Variants in GCSAML observed in about 807,000 individuals in gnomAD.
GCSAML encodes the protein germinal center associated signaling and motility like, also known as germinal center-associated signaling and motility-like protein.
In GCSAML, 9 loss-of-function variants were observed where a neutral mutation model predicts 13.0. That is an observed-to-expected ratio of 0.69 (90% CI 0.42 to 1.21). The LOEUF is 1.21. Among genes scored for constraint, GCSAML ranks in the 50% most tolerant of loss-of-function variants. The pLI is 0.00. For missense variants in GCSAML, 143 were observed against 153.4 expected, an observed-to-expected ratio of 0.93 and a Z score of 0.36; for synonymous variants, 37 against 52.9, an observed-to-expected ratio of 0.70 and a Z score of 1.31.
chr1:247,554,963 TA>T (rs1326766942), intron 1 of GCSAML, among the ~76,000 whole-genome samples: 2 of 152,186 alleles, frequency 1.3e-5, no homozygotes, highest in African/African-American at 4.8e-5. Context: ...TTGAAAACAA[TA>T]GAGTATTAGT....
upstream of GCSAML, among the ~76,000 whole-genome samples, chr1:247,544,951 A>G (rs1363924074): frequency 1.3e-5 from 2 of 152,194 alleles, no homozygotes; most frequent in Non-Finnish European, 2.9e-5. Flanking sequence ...CCTTTTACCA[A>G]ATTTGAGGTA....
intron 1 of GCSAML, among the ~76,000 whole-genome samples, chr1:247,517,777 C>T (rs1288514077): frequency 6.6e-6 from 1 of 152,098 alleles, no homozygotes; most frequent in Non-Finnish European, 1.5e-5. Flanking sequence ...ATGGATCCTC[C>T]GCACTGAGAG....
chr1:247,551,542 G>A (rs967296217), intron 1 of GCSAML, among the ~76,000 whole-genome samples: 1 of 152,170 alleles, frequency 6.6e-6, no homozygotes, highest in African/African-American at 2.4e-5. Context: ...GAGTATGGAG[G>A]AATGACACAG....
chr1:247,509,486 A>C (rs1665939556), intron 1 of GCSAML, among the ~76,000 whole-genome samples: 2 of 151,780 alleles, frequency 1.3e-5, no homozygotes, highest in South Asian at 4.1e-4. Context: ...TCCTATATGA[A>C]TAGGCTTTCT....
At chr1:247,552,936 A>G (rs1223884622) in intron 1 of GCSAML, among the ~76,000 whole-genome samples, 1 of 152,004 alleles carries the variant, frequency 6.6e-6, no homozygotes, top group Non-Finnish European at 1.5e-5. Context: ...TTGTATTTTT[A>G]GTGGAGACGG....
intron 2 of GCSAML, among the ~76,000 whole-genome samples, chr1:247,557,050 C>T (rs546583398): frequency 5.9e-5 from 9 of 152,280 alleles, no homozygotes; most frequent in Non-Finnish European, 1.3e-4. Flanking sequence ...TGGTCTTTTA[C>T]TGCACAATTA....
At chr1:247,543,678 A>G (rs1455779210) in intron 2 of GCSAML, among the ~76,000 whole-genome samples, 1 of 152,230 alleles carries the variant, frequency 6.6e-6, no homozygotes, top group African/African-American at 2.4e-5. Flanking sequence ...ACTAAATTAT[A>G]TATGAATTTA....
At chr1:247,532,451 G>A (rs746559906) in intron 2 of GCSAML, 18 of 1,613,552 alleles carry the variant, frequency 1.1e-5, no homozygotes, top group African/African-American at 4.0e-5. Context: ...AGTGAGGGTC[G>A]TGTGGAGAAG....
chr1:247,512,681 CA>C (rs1312097429), intron 1 of GCSAML, among the ~76,000 whole-genome samples: 4 of 152,142 alleles, frequency 2.6e-5, no homozygotes, highest in African/African-American at 9.7e-5. Flanking sequence ...TGGTGACCTT[CA>C]GATGGGGTTT....
At chr1:247,553,217 A>G (rs1017581673) in intron 1 of GCSAML, among the ~76,000 whole-genome samples, 5 of 152,188 alleles carry the variant, frequency 3.3e-5, no homozygotes, top group Non-Finnish European at 5.9e-5. Context: ...AAATCTATGA[A>G]TGACATTTTT....
At chr1:247,569,983 T>A (rs1237461607) in intron 4 of GCSAML, among the ~76,000 whole-genome samples, 1 of 152,220 alleles carries the variant, frequency 6.6e-6, no homozygotes, top group Non-Finnish European at 1.5e-5. Flanking sequence ...GATTTTCTAG[T>A]TTATTTGTGT....
Position 247,575,892 on chromosome 1 carries a change from C to T in GCSAML, c.*1510C>T, listed in dbSNP as rs1668816878. The T allele has an allele frequency of 6.6e-6, 1 of 152,124 alleles. No individual in the cohort carries two copies. Among genetic ancestry groups the T allele is most frequent in the South Asian group, 2.1e-4 (1 of 4,826 alleles). 9.4% of individuals were successfully genotyped at this position (152,124 alleles called of 1,614,324 possible). ...TCCCAAGAAGTTTTTTAATGATATGCCAGCTTCCTAATTTGGAGACAAAAG... is the reference window on the plus strand; with the variant it reads ...TCCCAAGAAGTTTTTTAATGATATGTCAGCTTCCTAATTTGGAGACAAAAG... On this transcript the variant is annotated 3_prime_UTR_variant, in exon 5 of 5. Transcript: ENST00000366488.
At chr1:247,547,003 G>A (rs977800095), upstream of GCSAML, among the ~76,000 whole-genome samples, 17 of 151,704 alleles carry the variant, frequency 1.1e-4, no homozygotes, top group African/African-American at 3.9e-4. Context: ...CTTGGGGGAT[G>A]AGGAGGGAGG....
At chr1:247,542,213 C>A (rs946740979) in intron 2 of GCSAML, among the ~76,000 whole-genome samples, 1 of 152,130 alleles carries the variant, frequency 6.6e-6, no homozygotes, top group African/African-American at 2.4e-5. Flanking sequence ...GAGTTCTAAG[C>A]TTTAGCATGC....
chr1:247,509,497 T>C (rs189232476), intron 1 of GCSAML, among the ~76,000 whole-genome samples: 102 of 152,322 alleles, frequency 6.7e-4, no homozygotes, highest in African/African-American at 2.2e-3. Context: ...TAGGCTTTCT[T>C]TCTCTTGCCT....
chr1:247,557,576 G>A (rs1321768925), intron 2 of GCSAML, among the ~76,000 whole-genome samples: 1 of 152,192 alleles, frequency 6.6e-6, no homozygotes, highest in Non-Finnish European at 1.5e-5. Context: ...GGATTGAGGA[G>A]ATGAGCCAGG....
At chr1:247,521,816 G>A (rs1666442348) in intron 1 of GCSAML, among the ~76,000 whole-genome samples, 1 of 152,158 alleles carries the variant, frequency 6.6e-6, no homozygotes, top group African/African-American at 2.4e-5. Context: ...TCTGGGAAGT[G>A]AGGAGCATCT....
intron 1 of GCSAML, among the ~76,000 whole-genome samples, chr1:247,550,754 T>C (rs946354533): frequency 2.0e-5 from 3 of 152,230 alleles, no homozygotes; most frequent in African/African-American, 7.2e-5. Flanking sequence ...ACAATTGTGC[T>C]GAGAGGTAAA....
chr1:247,522,205 G>T (rs1179543119), intron 1 of GCSAML, among the ~76,000 whole-genome samples: 2 of 150,882 alleles, frequency 1.3e-5, no homozygotes, highest in Admixed American at 6.6e-5. Flanking sequence ...TCTGGGAGGT[G>T]GGGGGCAGCC....
Sources: gnomAD v4.1 joint callset for allele counts (sites outside exome capture counted in the v4.1 genomes callset) on GRCh38, gnomAD v4.1.1 for gene constraint, MANE v1.5 for transcripts, NCBI Gene and HGNC (gene_info 2026-07-23, HGNC 2026-07-21) for gene names.